The following LANCL1 variants were observed in gnomAD, a reference collection of about 807,000 sequenced individuals.
LANCL1 encodes LanC like glutathione S-transferase 1, also known as glutathione S-transferase LANCL1.
Under a neutral mutation model 50.6 loss-of-function variants are expected in LANCL1, and 50 were observed. The ratio of observed to expected loss-of-function variants is 0.99; its 90% CI spans 0.79 to 1.25. The LOEUF (loss-of-function observed/expected upper bound fraction) is 1.25. Ranked by LOEUF, LANCL1 falls within the 50% of genes most tolerant of loss-of-function variation. LANCL1 has a pLI of 0.00. For synonymous variants in LANCL1, 188 were observed against 178.6 expected (o/e 1.05, Z -0.42); for missense variants, 532 against 480.7 (o/e 1.11, Z -1.00).
In LANCL1 at chr2:210,471,980, T is replaced by C. The variant is rs766568472; in HGVS notation, c.178A>G (p.Thr60Ala). The C allele has an allele frequency of 1.4e-5, 23 of 1,613,468 alleles. No individual in the cohort carries two copies. In the South Asian group the frequency reaches 2.5e-4, roughly 18 times the overall value. ...GLKSADPRDGTGYTGWAGIAV... is the reference protein window; with the variant it reads ...GLKSADPRDGAGYTGWAGIAV... ...ATACCTGCCCAGCCAGTGTAACCGG[T>C]GCCATCCCGAGGGTCTGCTGATTTC... The change falls in exon 3 of 10, where the codon ACC becomes GCC. Residue 60 changes from threonine to alanine, a missense_variant. Thr to Ala is a moderately conservative substitution (Grantham distance 58). Coordinates refer to ENST00000450366, the MANE Select transcript of LANCL1 (RefSeq NM_006055.3).
In LANCL1 at chr2:210,476,377, G is replaced by A. The variant is rs1245778054; in HGVS notation, c.20C>T (p.Pro7Leu). The stretch of plus-strand genomic sequence containing the variant: ...TTTGTTATAATCAGCATAAGGATTC[G>A]GGAAGGCCCTTTGAGCCATGACGCC... Reference protein sequence around the residue: MAQRAFPNPYADYNKSL... With the variant: MAQRAFLNPYADYNKSL... The change falls in exon 2 of 10, where the codon CCG becomes CTG. Residue 7 changes from proline to leucine, a missense_variant. Physicochemically the swap from Pro to Leu is moderately conservative, Grantham distance 98 (BLOSUM62 -3). Transcript: ENST00000450366. 9.3e-6 allele frequency: 15 copies of A among 1,613,884 alleles called. No individual in the cohort carries two copies. The highest frequency in any genetic ancestry group is 1.3e-5 in the Non-Finnish European group (15 of 1,179,994).
At chr2:210,438,529 T>C (rs1355419401) in intron 6 of LANCL1, among the ~76,000 whole-genome samples, 1 of 152,338 alleles carries the variant, frequency 6.6e-6, no homozygotes, top group Middle Eastern at 3.4e-3. Context: ...GTAAGAGAAG[T>C]TTCTCATGGT....
At chr2:210,476,484 C>A in intron 1 of LANCL1, 72 bp from the exon 2 acceptor site, 1 of 1,267,656 alleles carries the variant, frequency 7.9e-7, no homozygotes, top group Non-Finnish European at 1.1e-6. Flanking sequence ...GCGGCGGCGG[C>A]GCCCAGGTAT....
chr2:210,465,496 G>A (rs1330503287), intron 3 of LANCL1, among the ~76,000 whole-genome samples: 2 of 152,172 alleles, frequency 1.3e-5, no homozygotes, highest in Non-Finnish European at 2.9e-5. Context: ...AGAATGAAAA[G>A]GAAATTCATG....
chr2:210,446,586 T>G (rs772669083), intron 4 of LANCL1, among the ~76,000 whole-genome samples: 7 of 151,826 alleles, frequency 4.6e-5, no homozygotes, highest in Non-Finnish European at 1.0e-4. Context: ...TCTAACCAAA[T>G]GCATGGAAGT....
At chr2:210,462,952 C>G (rs553350319) in intron 3 of LANCL1, among the ~76,000 whole-genome samples, 2 of 152,186 alleles carry the variant, frequency 1.3e-5, no homozygotes, top group Admixed American at 1.3e-4. Flanking sequence ...CAAACTACTC[C>G]ATCTTATAGC....
chr2:210,463,287 T>C (rs1693930231), intron 3 of LANCL1, among the ~76,000 whole-genome samples: 1 of 152,116 alleles, frequency 6.6e-6, no homozygotes, highest in Admixed American at 6.5e-5. Flanking sequence ...TTTGGCTCAC[T>C]GCAACCTCCG....
At chr2:210,470,819 A>G (rs62203669) in intron 3 of LANCL1, among the ~76,000 whole-genome samples, 67,162 of 151,466 alleles carry the variant, frequency 0.44, 15,758 homozygotes, top group East Asian at 0.61. Flanking sequence ...CTCAAGATCT[A>G]CTGAATCACA....
intron 4 of LANCL1, among the ~76,000 whole-genome samples, chr2:210,444,793 T>C (rs1693259667): frequency 6.6e-6 from 1 of 152,148 alleles, no homozygotes; most frequent in African/African-American, 2.4e-5. Context: ...TTTAAAACAA[T>C]AGGGCTTATG....
intron 2 of LANCL1, among the ~76,000 whole-genome samples, chr2:210,473,329 C>T (rs974325857): frequency 2.0e-5 from 3 of 152,076 alleles, no homozygotes; most frequent in Middle Eastern, 3.2e-3. Context: ...GAGCCGAGAT[C>T]GTGCCACTGC....
chr2:210,441,502 T>G, intron 4 of LANCL1, 59 bp from the exon 5 acceptor site: 1 of 1,437,958 alleles, frequency 7.0e-7, no homozygotes, highest in Non-Finnish European at 9.5e-7. Context: ...TGGTGTATAC[T>G]TAAAAATGGT....
Position 210,466,950 on chromosome 2 carries a change from A to C in LANCL1, c.199+5009T>G, listed in dbSNP as rs565743465. The stretch of plus-strand genomic sequence containing the variant: ...AGAGAGATGTGGATATGGCAAAAAA[A>C]AAGGTGGGGGATGGGGATGAAGGAT... On this transcript the variant is annotated intron_variant, in intron 3 of 9. Coordinates refer to ENST00000450366, the MANE Select transcript of LANCL1 (RefSeq NM_006055.3). 3.9e-5 allele frequency among the ~76,000 whole-genome samples: 6 copies of C among 152,234 alleles called. No individual in the cohort carries two copies. In the South Asian group the frequency reaches 1.2e-3, roughly 32 times the overall value.
At chr2:210,473,603 T>A (rs868304953) in intron 2 of LANCL1, among the ~76,000 whole-genome samples, 1 of 152,136 alleles carries the variant, frequency 6.6e-6, no homozygotes, top group Non-Finnish European at 1.5e-5. Context: ...AAAAATGAGA[T>A]AAAATCTTAA....
chr2:210,469,898 T>C (rs1413168086), intron 3 of LANCL1, among the ~76,000 whole-genome samples: 1 of 152,040 alleles, frequency 6.6e-6, no homozygotes, highest in Non-Finnish European at 1.5e-5. Flanking sequence ...AATAATAATA[T>C]GAGTACATGT....
rs932741634 is a variant in LANCL1 at position 210,431,988 on chromosome 2, T to A, written c.*2499A>T. ...TTTGAAGGTTTTATTACCTAGTCCCTGTATAGAGATAAGAGATGATGGTAT... is the reference window on the plus strand; with the variant it reads ...TTTGAAGGTTTTATTACCTAGTCCCAGTATAGAGATAAGAGATGATGGTAT... On this transcript the variant is annotated 3_prime_UTR_variant, in exon 10 of 10. Transcript: ENST00000450366. The A allele has an allele frequency of 6.6e-6, 1 of 152,218 alleles. No individual in the cohort carries two copies. Among genetic ancestry groups the A allele is most frequent in the South Asian group, 2.1e-4 (1 of 4,826 alleles). The allele number at this position is 152,218 out of a possible 1,614,324, so 9.4% of individuals were successfully genotyped here. A position where few individuals can be genotyped will look rare whatever the true frequency, so the allele number is the denominator to read the frequency against.
At chr2:210,471,387 T>C in intron 3 of LANCL1, 3 of 354,252 alleles carry the variant, frequency 8.5e-6, no homozygotes, top group East Asian at 7.5e-5. Flanking sequence ...TTGACATCAA[T>C]GCACTGTTTC....
In LANCL1 at chr2:210,441,301, G is replaced by T; in HGVS notation, c.543+7C>A. On this transcript the variant is annotated splice_region_variant and intron_variant, in intron 5 of 9. Transcript: ENST00000450366. ...AAAAGGCTCCTAAAAACACAAAAACGTGGTACCTGCTGAATATGGCTTTGA... is the reference window on the plus strand; with the variant it reads ...AAAAGGCTCCTAAAAACACAAAAACTTGGTACCTGCTGAATATGGCTTTGA... 6.2e-7 allele frequency: 1 copy of T among 1,607,890 alleles called. No individual in the cohort carries two copies.
intron 5 of LANCL1, 75 bp from the exon 6 acceptor site, chr2:210,440,819 G>T: frequency 7.3e-7 from 1 of 1,376,026 alleles, no homozygotes; most frequent in Non-Finnish European, 9.9e-7. Context: ...AGACTTTTTT[G>T]CTAAGAGGTA....
At chr2:210,448,551 C>T (rs991774479) in intron 4 of LANCL1, among the ~76,000 whole-genome samples, 1 of 151,990 alleles carries the variant, frequency 6.6e-6, no homozygotes, top group Admixed American at 6.6e-5. Flanking sequence ...CAAAAAAAAT[C>T]AGTGAATCCC....
Sources: allele counts gnomAD v4.1 joint callset (sites outside exome capture counted in the v4.1 genomes callset), GRCh38; gene constraint gnomAD v4.1.1; transcripts MANE v1.5; gene names NCBI Gene and HGNC (gene_info 2026-07-23, HGNC 2026-07-21).